Variants in MYH13 observed in about 807,000 individuals in gnomAD.
MYH13 encodes myosin heavy chain 13, also known as myosin-13.
Under a neutral mutation model 232.1 loss-of-function variants are expected in MYH13, and 177 were observed. The ratio of observed to expected loss-of-function variants is 0.76; its 90% CI spans 0.67 to 0.86. The LOEUF is 0.86. Ranked by LOEUF, MYH13 falls within the 40% of genes least tolerant of loss-of-function variation. The pLI, the probability that MYH13 is intolerant of heterozygous loss-of-function variation, is 0.00. For missense variants in MYH13, 2,246 were observed against 2,405.9 expected (o/e 0.93, Z 1.39); for synonymous variants, 884 against 923.5 (o/e 0.96, Z 0.78).
chr17:10,343,695 C>G (rs1476657375), intron 16 of MYH13, 105 bp downstream of exon 16: 1 of 1,255,262 alleles, frequency 8.0e-7, no homozygotes, highest in Non-Finnish European at 1.1e-6. Flanking sequence ...AAACATCATA[C>G]TCAGCTGAAG....
At chr17:10,367,779 C>A (rs554978215) in intron 2 of MYH13, among the ~76,000 whole-genome samples, 1 of 152,256 alleles carries the variant, frequency 6.6e-6, no homozygotes, top group East Asian at 1.9e-4. Context: ...CTCATATCTG[C>A]TTCTGTATTC....
chr17:10,326,313 A>C (rs1253260945), intron 22 of MYH13, among the ~76,000 whole-genome samples: 1 of 152,198 alleles, frequency 6.6e-6, no homozygotes, highest in Non-Finnish European at 1.5e-5. Context: ...AACTCACTAT[A>C]GTGATTGGGA....
intron 39 of MYH13, among the ~76,000 whole-genome samples, chr17:10,302,571 A>G (rs565542942): frequency 6.6e-6 from 1 of 152,334 alleles, no homozygotes; most frequent in African/African-American, 2.4e-5. Flanking sequence ...CTATAAAAGG[A>G]TAAGCTCCTC....
At chr17:10,356,532 T>C (rs1296164061) in intron 8 of MYH13, among the ~76,000 whole-genome samples, 1 of 152,198 alleles carries the variant, frequency 6.6e-6, no homozygotes, top group Non-Finnish European at 1.5e-5. Flanking sequence ...CCATGTAACA[T>C]GTGCCCAGAT....
intron 8 of MYH13, among the ~76,000 whole-genome samples, 187 bp from the exon 9 acceptor site, chr17:10,355,334 A>AG (rs1251744152): frequency 3.3e-5 from 5 of 152,108 alleles, no homozygotes; most frequent in Non-Finnish European, 7.4e-5. Flanking sequence ...CTGAGTAGGG[A>AG]GGGGCCAATC....
chr17:10,320,258 A>T lies in MYH13; in HGVS notation c.3258-15T>A, dbSNP rs755521768. The T allele has an allele frequency of 6.4e-6, 10 of 1,552,454 alleles. No homozygotes were observed. Among genetic ancestry groups the T allele is most frequent in the Middle Eastern group, 1.7e-4 (1 of 5,946 alleles). ...CAAACTCCTTCCTGCAAATAGATTA[A>T]AAAAAAATAAAGAACATGAAATACA... On this transcript the variant is annotated splice_polypyrimidine_tract_variant and intron_variant, in intron 25 of 40. Coordinates refer to ENST00000252172, the MANE Select transcript of MYH13 (RefSeq NM_003802.3).
chr17:10,358,504 A>C (rs2071766540), intron 7 of MYH13, among the ~76,000 whole-genome samples: 1 of 152,082 alleles, frequency 6.6e-6, no homozygotes, highest in Non-Finnish European at 1.5e-5. Context: ...TCACACTCGT[A>C]ATTAGCACTT....
At chr17:10,329,998 TAA>T (rs1555550352) in intron 21 of MYH13, among the ~76,000 whole-genome samples, 23 of 132,222 alleles carry the variant, frequency 1.7e-4, no homozygotes, top group East Asian at 2.4e-4. Context: ...AGACTCTGTC[TAA>T]AAAAAAAAAA....
At chr17:10,356,805 G>A in intron 8 of MYH13, among the ~76,000 whole-genome samples, 1 of 152,182 alleles carries the variant, frequency 6.6e-6, no homozygotes, top group East Asian at 1.9e-4. Context: ...CTTTGCCTCT[G>A]AGTACTTGCT....
intron 29 of MYH13, among the ~76,000 whole-genome samples, chr17:10,315,127 G>A (rs940276158): frequency 2.0e-5 from 3 of 152,200 alleles, no homozygotes; most frequent in Admixed American, 6.5e-5. Context: ...GCCCTGGCTG[G>A]AAAGGGGAGT....
intron 35 of MYH13, among the ~76,000 whole-genome samples, chr17:10,308,369 T>TAAATTCA (rs1472916585): frequency 1.3e-4 from 19 of 149,486 alleles, no homozygotes; most frequent in Admixed American, 6.0e-4. Context: ...TCATGATTGT[T>TAAATTCA]AAATTCAAAA....
rs986881948 is a variant in MYH13, at chr17:10,324,326, G to C, written c.2692-62C>G. The C allele has an allele frequency of 7.5e-6, 12 of 1,591,650 alleles. 1 individual carries two copies. The African/African-American group carries it at 1.4e-4, about 18-fold the overall frequency. On this transcript the variant is annotated intron_variant, in intron 22 of 40. Transcript: ENST00000252172. ...TCTTTGAAAATGCTACAAAGAAAGGGTATCACCCTCTAAAAGCTTATTATC... is the reference window on the plus strand; with the variant it reads ...TCTTTGAAAATGCTACAAAGAAAGGCTATCACCCTCTAAAAGCTTATTATC...
chr17:10,342,861 C>T (rs371003155), intron 16 of MYH13, among the ~76,000 whole-genome samples: 125 of 152,020 alleles, frequency 8.2e-4, no homozygotes, highest in Non-Finnish European at 1.5e-3. Context: ...GAGGTCGAGG[C>T]GGGTGGATCA....
intron 30 of MYH13, 119 bp downstream of exon 30, chr17:10,313,039 G>T (rs1487242167): frequency 4.8e-5 from 72 of 1,488,548 alleles, no homozygotes; most frequent in Non-Finnish European, 6.5e-5. Context: ...GGTACAATCC[G>T]AGTGTTTCAG....
chr17:10,301,992 C>T (rs996612105), intron 39 of MYH13, among the ~76,000 whole-genome samples: 3 of 152,218 alleles, frequency 2.0e-5, no homozygotes, highest in Non-Finnish European at 4.4e-5. Context: ...TCGGGGGAGA[C>T]CTAAGTCCAG....
chr17:10,312,574 C>T lies in MYH13; in HGVS notation c.4365G>A (p.Lys1455=). 1 of 1,611,186 alleles carries T rather than the reference C, an allele frequency of 6.2e-7. No homozygotes were observed. The highest frequency in any genetic ancestry group is 2.2e-5 in the East Asian group (1 of 44,840). The change falls in exon 31 of 41, where the codon AAG becomes AAA. Residue 1455 remains lysine (K), a splice_region_variant and synonymous_variant. Coordinates refer to ENST00000252172, the MANE Select transcript of MYH13 (RefSeq NM_003802.3). ...TLDKKQRNFD[K]VLAEWKQKLD... ...ACAAAGAAAGCGGCTGGGGAAGGAC[C>T]TTGTCGAAGTTCCTCTGCTTCTTGT...
intron 18 of MYH13, among the ~76,000 whole-genome samples, chr17:10,336,531 T>C (rs2071576686): frequency 6.6e-6 from 1 of 152,092 alleles, no homozygotes. Flanking sequence ...GGCTAGCCAT[T>C]CCAGGAGATG....
At chr17:10,366,197 C>T (rs12936065) in intron 2 of MYH13, among the ~76,000 whole-genome samples, 60,943 of 151,150 alleles carry the variant, frequency 0.4, 13,080 homozygotes, top group Non-Finnish European at 0.49. Context: ...CTCTCATTCC[C>T]CCTCGGCACC....
chr17:10,320,323 A>G lies in MYH13; in HGVS notation c.3257+28T>C, dbSNP rs1330763082. On this transcript the variant is annotated intron_variant, in intron 25 of 40. Transcript: ENST00000252172. Reference sequence around the variant, plus strand: ...GGTGAAAGTTGGCTTTTAGGCTGAGACACAGAGGTGGTAAAAGAAATATCT... The same window carrying G: ...GGTGAAAGTTGGCTTTTAGGCTGAGGCACAGAGGTGGTAAAAGAAATATCT... The G allele has an allele frequency of 3.7e-6, 6 of 1,610,362 alleles. No homozygotes were observed. The African/African-American group carries it at 8.0e-5, about 22-fold the overall frequency.
Sources: gnomAD v4.1 joint callset for allele counts (sites outside exome capture counted in the v4.1 genomes callset) on GRCh38, gnomAD v4.1.1 for gene constraint, MANE v1.5 for transcripts, NCBI Gene and HGNC (gene_info 2026-07-23, HGNC 2026-07-21) for gene names.